TRPM3: variants seen among roughly 807,000 people sequenced by gnomAD.
TRPM3 encodes transient receptor potential cation channel subfamily M member 3, also known as long transient receptor potential channel 3.
TRPM3 carries 77 observed loss-of-function variants against 181.2 expected under a neutral mutation model. The ratio of observed to expected loss-of-function variants is 0.42; its 90% CI spans 0.35 to 0.51. TRPM3 has a LOEUF of 0.51. TRPM3 is among the 20% of genes least tolerant of loss of function. The pLI, the probability that TRPM3 is intolerant of heterozygous loss-of-function variation, is 0.01. For synonymous variants in TRPM3, 745 were observed against 796.4 expected, an observed-to-expected ratio of 0.94 and a Z score of 1.09; for missense variants, 1,759 against 2,196.7, an observed-to-expected ratio of 0.80 and a Z score of 3.98.
At chr9:70,648,629 G>C (rs2059216670) in intron 9 of TRPM3, among the ~76,000 whole-genome samples, 1 of 126,132 alleles carries the variant, frequency 7.9e-6, no homozygotes. Context: ...CATCATACTA[G>C]TACAAAAAAA....
At chr9:70,856,142 T>C (rs1406595668) in intron 3 of TRPM3, among the ~76,000 whole-genome samples, 1 of 152,198 alleles carries the variant, frequency 6.6e-6, no homozygotes. Context: ...TTATTTAGCA[T>C]AACATTTTCT....
chr9:71,122,473 G>A (rs2134401462), upstream of TRPM3, among the ~76,000 whole-genome samples: 1 of 152,282 alleles, frequency 6.6e-6, no homozygotes, highest in Non-Finnish European at 1.5e-5. Flanking sequence ...CAGTTGACCT[G>A]ACAACTCCTA....
intron 1 of TRPM3, among the ~76,000 whole-genome samples, chr9:71,381,820 A>G (rs751395094): frequency 2.6e-5 from 4 of 152,046 alleles, no homozygotes; most frequent in Non-Finnish European, 4.4e-5. Context: ...ATGATTATTA[A>G]ATATTCTTTC....
At chr9:70,612,971 C>A (rs1047023158) in intron 18 of TRPM3, among the ~76,000 whole-genome samples, 1 of 152,146 alleles carries the variant, frequency 6.6e-6, no homozygotes, top group South Asian at 2.1e-4. Context: ...CCCAACAGAG[C>A]TATAGACATG....
At chr9:71,024,981 G>A (rs2097882096) in intron 1 of TRPM3, among the ~76,000 whole-genome samples, 1 of 152,104 alleles carries the variant, frequency 6.6e-6, no homozygotes. Flanking sequence ...TGCTTGGAGA[G>A]GGAAACTGGT....
chr9:70,940,488 G>A (rs1439508568), intron 1 of TRPM3, among the ~76,000 whole-genome samples: 2 of 152,192 alleles, frequency 1.3e-5, no homozygotes, highest in Admixed American at 1.3e-4. Flanking sequence ...TATTCCTGGA[G>A]CATCTATCAT....
intron 7 of TRPM3, among the ~76,000 whole-genome samples, chr9:70,773,784 G>A (rs1220919324): frequency 1.3e-5 from 2 of 152,134 alleles, no homozygotes; most frequent in African/African-American, 2.4e-5. Flanking sequence ...CTTAAACACT[G>A]TTGTGCCTTG....
intron 9 of TRPM3, among the ~76,000 whole-genome samples, chr9:70,681,139 C>T (rs141166026): frequency 6.6e-6 from 1 of 152,048 alleles, no homozygotes; most frequent in African/African-American, 2.4e-5. Context: ...ATCACACACA[C>T]ATATACTCAC....
chr9:70,622,803 G>T (rs1428993687), intron 14 of TRPM3, among the ~76,000 whole-genome samples: 1 of 152,146 alleles, frequency 6.6e-6, no homozygotes, highest in Non-Finnish European at 1.5e-5. Context: ...CCTCCAAATT[G>T]TATTTGGCTA....
At chr9:70,654,200 T>G (rs2059968383) in intron 9 of TRPM3, among the ~76,000 whole-genome samples, 1 of 152,116 alleles carries the variant, frequency 6.6e-6, no homozygotes, top group Admixed American at 6.6e-5. Flanking sequence ...TCTGTGTGCA[T>G]TTGTGTGAGG....
chr9:71,008,563 C>G (rs2097703317), intron 1 of TRPM3, among the ~76,000 whole-genome samples: 1 of 152,152 alleles, frequency 6.6e-6, no homozygotes, highest in Admixed American at 6.5e-5. Context: ...TCATTCATGG[C>G]CAGGCGTGGT....
At chr9:71,373,410 A>C (rs1338094961) in intron 1 of TRPM3, among the ~76,000 whole-genome samples, 1 of 151,930 alleles carries the variant, frequency 6.6e-6, no homozygotes. Context: ...GAGAGAGAAG[A>C]ATCAAATAAA....
chr9:71,236,413 C>A (rs1455477858), intron 1 of TRPM3, among the ~76,000 whole-genome samples: 1 of 152,108 alleles, frequency 6.6e-6, no homozygotes, highest in East Asian at 1.9e-4. Context: ...CCCACACCAC[C>A]CTCTACCCGC....
chr9:71,312,043 T>C (rs778669538), intron 1 of TRPM3, among the ~76,000 whole-genome samples: 12 of 152,092 alleles, frequency 7.9e-5, no homozygotes, highest in Non-Finnish European at 1.2e-4. Context: ...AAAAGCACTA[T>C]CCATGACAGA....
chr9:70,999,296 G>A (rs1460372133), intron 1 of TRPM3, among the ~76,000 whole-genome samples: 2 of 152,170 alleles, frequency 1.3e-5, no homozygotes, highest in East Asian at 1.9e-4. Flanking sequence ...GGTGAATGGG[G>A]TGGTTTCTGG....
chr9:70,909,686 G>A (rs1040070513), intron 1 of TRPM3, among the ~76,000 whole-genome samples: 1 of 152,118 alleles, frequency 6.6e-6, no homozygotes, highest in African/African-American at 2.4e-5. Context: ...ACTTGATGAG[G>A]TTCTTTGAAG....
intron 1 of TRPM3, among the ~76,000 whole-genome samples, chr9:71,411,541 C>A (rs987894353): frequency 1.3e-5 from 2 of 152,268 alleles, no homozygotes; most frequent in African/African-American, 4.8e-5. Context: ...ATCCAACTTA[C>A]AAGGGATGTG....
chr9:71,172,189 A>G, intron 1 of TRPM3, among the ~76,000 whole-genome samples: 1 of 150,990 alleles, frequency 6.6e-6, no homozygotes, highest in East Asian at 2.0e-4. Flanking sequence ...GGAATGAGCC[A>G]CTGTGCCCAG....
At chr9:70,908,775 T>A (rs534832613) in intron 1 of TRPM3, among the ~76,000 whole-genome samples, 26 of 152,226 alleles carry the variant, frequency 1.7e-4, no homozygotes, top group African/African-American at 6.0e-4. Flanking sequence ...GTCACAAAAA[T>A]AGAATAATAG....
Sources: gnomAD v4.1 joint callset for allele counts (sites outside exome capture counted in the v4.1 genomes callset) on GRCh38, gnomAD v4.1.1 for gene constraint, MANE v1.5 for transcripts, NCBI Gene and HGNC (gene_info 2026-07-23, HGNC 2026-07-21) for gene names.